The following NTAN1 variants were observed in gnomAD, a reference collection of about 807,000 sequenced individuals.
NTAN1 encodes the protein N-terminal asparagine amidase.
In NTAN1, 32 loss-of-function variants were observed where a neutral mutation model predicts 41.9. That is an observed-to-expected ratio of 0.76 (90% CI 0.58 to 1.03). The LOEUF (loss-of-function observed/expected upper bound fraction) is 1.03. Ranked by LOEUF, NTAN1 falls within the 50% of genes least tolerant of loss-of-function variation. NTAN1 has a pLI of 0.00. For synonymous variants in NTAN1, 140 were observed against 139.5 expected (o/e 1.00, Z -0.03); for missense variants, 377 against 377.5 (o/e 1.00, Z 0.01).
At chr16:15,041,443 C>G (rs1185227376) in intron 6 of NTAN1, among the ~76,000 whole-genome samples, 180 bp downstream of exon 6, 1 of 152,056 alleles carries the variant, frequency 6.6e-6, no homozygotes, top group African/African-American at 2.4e-5. Flanking sequence ...AACTGAGGCT[C>G]GGCAGATGGT....
In NTAN1 at chr16:15,047,529, G is replaced by C; in HGVS notation, c.272C>G (p.Thr91Arg). ...RHTGNGATCL[T>R]HCDGTDTKAE... is the part of the protein sequence containing the mutation. ...TTTGGTGTCGGTTCCGTCACAATGT[G>C]TCAAGCAGGTGGCCCCATTACCTGA... Residue 91 changes from threonine to arginine, a missense_variant, in exon 4 of 10, where the codon ACA becomes AGA. Thr to Arg is a moderately conservative substitution (Grantham distance 71, BLOSUM62 -1). Transcript: ENST00000287706. 1 of 1,613,722 alleles carries C rather than the reference G, an allele frequency of 6.2e-7. No individual in the cohort carries two copies. The highest frequency in any genetic ancestry group is 8.5e-7 in the Non-Finnish European group (1 of 1,179,580).
rs938948607 is a variant in NTAN1 at position 15,040,129 on chromosome 16, C to T, written c.542-63G>A. ...GACCAAAGCGGAAAGTCTGCACAGT[C>T]TTACATTTCTACCACCACTCCTAAG... is the stretch of plus-strand genomic sequence containing the variant. On this transcript the variant is annotated intron_variant, in intron 7 of 9. Coordinates refer to ENST00000287706, the MANE Select transcript of NTAN1 (RefSeq NM_173474.4). 62 of 871,608 alleles carry T rather than the reference C, an allele frequency of 7.1e-5. No homozygotes were observed. The African/African-American group carries it at 9.5e-4, about 13-fold the overall frequency. The allele number at this position is 871,608 out of a possible 1,614,324, so 54.0% of individuals were successfully genotyped here. A position where few individuals can be genotyped will look rare whatever the true frequency, so the allele number is the denominator to read the frequency against.
In NTAN1 at chr16:15,048,010, G is replaced by C; in HGVS notation, c.171C>G (p.Thr57=). 1 of 1,611,614 alleles carries C rather than the reference G, an allele frequency of 6.2e-7. No individual in the cohort carries two copies. The highest frequency in any genetic ancestry group is 8.5e-7 in the Non-Finnish European group (1 of 1,177,750). The change falls in exon 2 of 10, where the codon ACC becomes ACG. Residue 57 remains threonine (T), a synonymous_variant. Transcript: ENST00000287706. ...TTCCTAACCTACCATCCTTTGGGGAGGTCACTGCAAGCTCTCTTTGCTGAA... is the reference window on the plus strand; with the variant it reads ...TTCCTAACCTACCATCCTTTGGGGACGTCACTGCAAGCTCTCTTTGCTGAA... ...LYVQQRELAV[T]SPKDGSISIL...
rs2044210550 is a variant in NTAN1 at position 15,049,413 on chromosome 16, C to T, written c.82-1314G>A. On this transcript the variant is annotated intron_variant, in intron 1 of 9. Coordinates refer to ENST00000287706, the MANE Select transcript of NTAN1 (RefSeq NM_173474.4). ...GAAATAACTCAAAATATGTTCATCC[C>T]TGTGTTATTTCTTTTATCTTATTTT... is the stretch of plus-strand genomic sequence containing the variant. Among the ~76,000 whole-genome samples the T allele has an allele frequency of 2.0e-5, 3 of 151,414 alleles. No individual in the cohort carries two copies. In the Admixed American group the frequency reaches 2.0e-4, roughly 10 times the overall value.
chr16:15,044,597 C>G, intron 4 of NTAN1, 190 bp from the exon 5 acceptor site: 1 of 596,486 alleles, frequency 1.7e-6, no homozygotes. Context: ...TTCTGGGGAC[C>G]CTGCCCAGGG....
At chr16:15,047,965 G>A (rs1205752183) in intron 2 of NTAN1, 32 bp downstream of exon 2, 1 of 1,602,220 alleles carries the variant, frequency 6.2e-7, no homozygotes, top group South Asian at 1.1e-5. Context: ...AGCCTTTTGG[G>A]ATAACGCCCA....
At chr16:15,038,346 A>AAC (rs1158563730) in intron 9 of NTAN1, 136 bp from the exon 10 acceptor site, 8 of 690,028 alleles carry the variant, frequency 1.2e-5, no homozygotes, top group Non-Finnish European at 1.9e-5. Context: ...GGCCTGAATT[A>AAC]GTAAGAAAAA....
At chr16:15,043,234 C>T (rs890937332) in intron 5 of NTAN1, among the ~76,000 whole-genome samples, 1 of 152,120 alleles carries the variant, frequency 6.6e-6, no homozygotes, top group Non-Finnish European at 1.5e-5. Flanking sequence ...CAGAGTTTCA[C>T]CATGTTGCCC....
intron 7 of NTAN1, 60 bp from the exon 8 acceptor site, chr16:15,040,126 A>T: frequency 3.3e-6 from 3 of 909,306 alleles, no homozygotes; most frequent in South Asian, 2.8e-5. Flanking sequence ...AAGTCTGCAC[A>T]GTCTTACATT....
At chr16:15,050,472 A>C (rs1219326847) in intron 1 of NTAN1, among the ~76,000 whole-genome samples, 1 of 152,088 alleles carries the variant, frequency 6.6e-6, no homozygotes, top group East Asian at 1.9e-4. Context: ...ATGGCTCCCA[A>C]CTGTAATTCC....
intron 6 of NTAN1, among the ~76,000 whole-genome samples, chr16:15,041,336 C>T (rs2043806595): frequency 6.6e-6 from 1 of 152,090 alleles, no homozygotes; most frequent in South Asian, 2.1e-4. Flanking sequence ...GTCCCCACTC[C>T]CACCCCACCT....
chr16:15,048,145 G>A (rs1597799472), intron 1 of NTAN1, 46 bp from the exon 2 acceptor site: 1 of 1,381,304 alleles, frequency 7.2e-7, no homozygotes, highest in Non-Finnish European at 1.0e-6. Flanking sequence ...AATTAGTGAG[G>A]ATGGAAAAAC....
chr16:15,040,112 C>A, intron 7 of NTAN1, 46 bp from the exon 8 acceptor site: 1 of 1,083,606 alleles, frequency 9.2e-7, no homozygotes, highest in Admixed American at 1.8e-5. Flanking sequence ...AAGACCAAAG[C>A]GGAAAGTCTG....
Position 15,040,822 on chromosome 16 carries a change from C to G in NTAN1, c.541+246G>C, listed in dbSNP as rs138177691. ...CCTGGGAAGGGTGGGCATGGCCTGT[C>G]CTTTCTATTTGCTACCACGTTGCTT... On this transcript the variant is annotated intron_variant, in intron 7 of 9. Transcript: ENST00000287706. Among the ~76,000 whole-genome samples, 1,263 of 152,248 alleles carry G rather than the reference C, an allele frequency of 8.3e-3. 7 individuals carry two copies. The highest frequency in any genetic ancestry group is 0.018 in the South Asian group (88 of 4,818).
At chr16:15,052,883 T>C (rs1014904755) in intron 1 of NTAN1, among the ~76,000 whole-genome samples, 3 of 152,012 alleles carry the variant, frequency 2.0e-5, no homozygotes, top group Non-Finnish European at 4.4e-5. Flanking sequence ...GCTGCGAGCA[T>C]CTTGTAGACT....
In NTAN1 at chr16:15,040,030, G is replaced by A. The variant is rs1251762063; in HGVS notation, c.578C>T (p.Ser193Phe). ...CTCCTCCGGACCCCGATCTTGAAAG[G>A]ATGCTCTGTAAATCTCTGCAGTCTT... Reference protein sequence around the residue: ...NIKTAEIYRASFQDRGPEEQL... With the variant: ...NIKTAEIYRAFFQDRGPEEQL... The change falls in exon 8 of 10, where the codon TCC (serine) becomes TTC (phenylalanine). Residue 193 changes from serine to phenylalanine, a missense_variant. By Grantham distance (155) the Ser-to-Phe change is radical (BLOSUM62 -2). Transcript: ENST00000287706. 6.2e-7 allele frequency: 1 copy of A among 1,612,236 alleles called. No individual in the cohort carries two copies.
intron 4 of NTAN1, 47 bp from the exon 5 acceptor site, chr16:15,044,454 G>T (rs765501572): frequency 3.3e-6 from 4 of 1,201,502 alleles, no homozygotes; most frequent in South Asian, 1.2e-5. Flanking sequence ...AGACACCGGT[G>T]CGTGCGCTGG....
rs200679463 is a variant in NTAN1, at chr16:15,047,526, T to C, written c.275A>G (p.His92Arg). Residue 92 changes from histidine (H) to arginine (R), a missense_variant, in exon 4 of 10, where the codon CAT becomes CGT. Physicochemically the swap from His to Arg is conservative, Grantham distance 29 (BLOSUM62 0). Transcript: ENST00000287706. ...AGCTTTGGTGTCGGTTCCGTCACAA[T>C]GTGTCAAGCAGGTGGCCCCATTACC... is the stretch of plus-strand genomic sequence containing the variant. ...HTGNGATCLT[H>R]CDGTDTKAEV... 2.8e-5 allele frequency: 45 copies of C among 1,613,786 alleles called. No individual in the cohort carries two copies. The highest frequency in any genetic ancestry group is 3.6e-5 in the Non-Finnish European group (43 of 1,179,794).
chr16:15,038,381 A>C, intron 9 of NTAN1, 171 bp from the exon 10 acceptor site: 1 of 619,346 alleles, frequency 1.6e-6, no homozygotes, highest in Non-Finnish European at 2.8e-6. Context: ...TGCTTTACCC[A>C]CACACATTTC....
Sources: allele counts gnomAD v4.1 joint callset (sites outside exome capture counted in the v4.1 genomes callset), GRCh38; gene constraint gnomAD v4.1.1; transcripts MANE v1.5; gene names NCBI Gene and HGNC (gene_info 2026-07-23, HGNC 2026-07-21).